MGAM: variants seen among roughly 807,000 people sequenced by gnomAD.
MGAM encodes maltase-glucoamylase, also known as alpha-1,4-glucosidase.
In MGAM, 253 loss-of-function variants were observed where a neutral mutation model predicts 358.8. That is an observed-to-expected ratio of 0.71 (90% CI 0.64 to 0.78). The LOEUF is 0.78. Among genes scored for constraint, MGAM ranks in the 30% least tolerant of loss-of-function variants. MGAM has a pLI of 0.00. For missense variants in MGAM, 3,080 were observed against 3,432.6 expected (o/e 0.90, Z 2.57); for synonymous variants, 1,105 against 1,227.1 (o/e 0.90, Z 2.08).
At chr7:142,095,483 T>C (rs1186742516) in intron 63 of MGAM, 82 bp from the exon 64 acceptor site, 18 of 1,586,340 alleles carry the variant, frequency 1.1e-5, no homozygotes, top group Admixed American at 3.6e-5. Flanking sequence ...TGATCTTCAA[T>C]TGGAGTATGC....
Position 142,064,539 on chromosome 7 carries a change from C to G in MGAM, c.4484+17C>G, listed in dbSNP as rs1290533294. 6.4e-7 allele frequency: 1 copy of G among 1,564,266 alleles called. No homozygotes were observed. The highest frequency in any genetic ancestry group is 1.4e-5 in the African/African-American group (1 of 73,576). On this transcript the variant is annotated intron_variant, in intron 37 of 70. Coordinates refer to ENST00000475668, the MANE Select transcript of MGAM (RefSeq NM_001365693.1). ...CACATACGAGTGAGTCTCCGTCTCCCTTCTCCAGCTGTCACAACCTATAGC... is the reference window on the plus strand; with the variant it reads ...CACATACGAGTGAGTCTCCGTCTCCGTTCTCCAGCTGTCACAACCTATAGC...
At chr7:141,997,671 G>T (rs1167133492) in intron 1 of MGAM, among the ~76,000 whole-genome samples, 1 of 152,104 alleles carries the variant, frequency 6.6e-6, no homozygotes, top group Non-Finnish European at 1.5e-5. Context: ...TTGCAGTTCA[G>T]ATGGGGAAAC....
rs928247898 is a variant in MGAM at position 142,101,699 on chromosome 7, A to C, written c.7963+809A>C. Among the ~76,000 whole-genome samples the C allele has an allele frequency of 4.0e-5, 6 of 151,766 alleles. No individual in the cohort carries two copies. In the South Asian group the frequency reaches 1.3e-3, roughly 32 times the overall value. ...GGCAGCCGGATCACCTGAGGTTGGG[A>C]GTTCGAGATCAGCCTGACCAACATG... On this transcript the variant is annotated intron_variant, in intron 68 of 70. Transcript: ENST00000475668.
intron 3 of MGAM, among the ~76,000 whole-genome samples, chr7:142,018,207 A>G (rs1445932073): frequency 2.0e-5 from 3 of 152,148 alleles, no homozygotes; most frequent in African/African-American, 7.2e-5. Flanking sequence ...CTATGGGATG[A>G]TCGTTTTCAA....
chr7:142,052,236 G>T, intron 24 of MGAM, 58 bp from the exon 25 acceptor site: 2 of 1,436,758 alleles, frequency 1.4e-6, no homozygotes, highest in Non-Finnish European at 1.9e-6. Context: ...AAAACCTCAG[G>T]TCTTGCAAAG....
At chr7:142,034,401 C>A (rs1554465027) in intron 15 of MGAM, 22 bp downstream of exon 15, 1 of 1,403,422 alleles carries the variant, frequency 7.1e-7, no homozygotes, top group South Asian at 1.2e-5. Context: ...ATGGCTATGA[C>A]CTGCTAATTA....
intron 2 of MGAM, among the ~76,000 whole-genome samples, chr7:141,987,627 T>G (rs1803771956): frequency 6.6e-6 from 1 of 152,002 alleles, no homozygotes; most frequent in South Asian, 2.1e-4. Context: ...AATGGGGGTT[T>G]CTAGAACAAG....
intron 16 of MGAM, among the ~76,000 whole-genome samples, chr7:142,035,561 T>TG (rs1554465493): frequency 6.6e-6 from 1 of 152,060 alleles, no homozygotes; most frequent in African/African-American, 2.4e-5. Context: ...GAAAAGTGAG[T>TG]ATTTTTTCAT....
rs1563135015 is a variant in MGAM, at chr7:142,034,654, T to C, written c.1788-16T>C. On this transcript the variant is annotated splice_polypyrimidine_tract_variant and intron_variant, in intron 15 of 70. Transcript: ENST00000475668. The stretch of plus-strand genomic sequence containing the variant: ...TAAGATCCCACATTGACTCCTTAAA[T>C]CTCTCTCCCTTGCAGAGCTGCCAAG... 5 of 1,610,388 alleles carry C rather than the reference T, an allele frequency of 3.1e-6. 1 individual carries two copies. Among genetic ancestry groups the C allele is most frequent in the Non-Finnish European group, 4.2e-6 (5 of 1,177,756 alleles).
At chr7:142,099,771 T>C (rs757819049) in intron 67 of MGAM, 34 bp downstream of exon 67, 1 of 1,608,244 alleles carries the variant, frequency 6.2e-7, no homozygotes, top group Admixed American at 1.7e-5. Flanking sequence ...CCTTTACATG[T>C]CAGTTAGCTC....
intron 2 of MGAM, 143 bp downstream of exon 2, chr7:142,005,800 T>C: frequency 6.6e-6 from 5 of 761,478 alleles, no homozygotes; most frequent in Non-Finnish European, 1.0e-5. Context: ...CTATGTGTTT[T>C]GGACAGCTCA....
chr7:141,990,238 T>G (rs1803885206), intron 2 of MGAM, among the ~76,000 whole-genome samples: 1 of 152,188 alleles, frequency 6.6e-6, no homozygotes. Context: ...CATAGAATGC[T>G]TACTATGGCC....
Position 142,039,865 on chromosome 7 carries a change from G to A in MGAM, c.2317-250G>A, listed in dbSNP as rs940986331. Among the ~76,000 whole-genome samples, 19 of 152,092 alleles carry A rather than the reference G, an allele frequency of 1.2e-4. No homozygotes were observed. In the East Asian group the frequency reaches 3.5e-3, roughly 28 times the overall value. ...TTAAATGAGGTAATCATGTAAAGCT[G>A]GAATGTTTGTCACCACACATGTTTT... On this transcript the variant is annotated intron_variant, in intron 19 of 70. Transcript: ENST00000475668.
At chr7:142,064,675 T>A (rs1046693413) in intron 37 of MGAM, among the ~76,000 whole-genome samples, 153 bp downstream of exon 37, 1 of 152,220 alleles carries the variant, frequency 6.6e-6, no homozygotes, top group Non-Finnish European at 1.5e-5. Context: ...CAAATGCTCA[T>A]TGACATGGAG....
intron 21 of MGAM, among the ~76,000 whole-genome samples, chr7:142,043,722 G>A (rs558308256): frequency 2.7e-5 from 3 of 109,486 alleles, no homozygotes; most frequent in South Asian, 5.4e-4. Flanking sequence ...CATGTAATAT[G>A]TAATATATAA....
At position 142,034,666 on chromosome 7, in the gene MGAM, G is replaced by T. The variant is rs782219902; in HGVS notation, c.1788-4G>T. 6.2e-7 allele frequency: 1 copy of T among 1,612,440 alleles called. No homozygotes were observed. Among genetic ancestry groups the T allele is most frequent in the Middle Eastern group, 1.7e-4 (1 of 6,046 alleles). ...TTGACTCCTTAAATCTCTCTCCCTT[G>T]CAGAGCTGCCAAGACTGTGTTCCCT... On this transcript the variant is annotated splice_region_variant and splice_polypyrimidine_tract_variant and intron_variant, in intron 15 of 70. Coordinates refer to ENST00000475668, the MANE Select transcript of MGAM (RefSeq NM_001365693.1).
chr7:142,030,573 G>C (rs1807391489), intron 11 of MGAM, 68 bp from the exon 12 acceptor site: 1 of 1,605,770 alleles, frequency 6.2e-7, no homozygotes, highest in African/African-American at 1.3e-5. Flanking sequence ...TTCTCCCCCA[G>C]TTCCCAGTCT....
chr7:142,095,938 T>C lies in MGAM; in HGVS notation c.7607+225T>C, dbSNP rs570753293. The C allele has an allele frequency of 1.2e-5, 9 of 730,210 alleles. 1 individual carries two copies. The highest frequency in any genetic ancestry group is 6.1e-5 in the South Asian group (3 of 49,412). The allele number at this position is 730,210 out of a possible 1,614,324, so 45.2% of individuals were successfully genotyped here. A position where few individuals can be genotyped will look rare whatever the true frequency, so the allele number is the denominator to read the frequency against. On this transcript the variant is annotated intron_variant, in intron 64 of 70. Transcript: ENST00000475668. ...AAAACTGAAATGATGCAGTATAGCA[T>C]AGAATAATTTCTTTCTAATTTGGCT...
At position 142,057,508 on chromosome 7, in the gene MGAM, T is replaced by C. The variant is rs1303483483; in HGVS notation, c.3693+566T>C. 3.9e-5 allele frequency among the ~76,000 whole-genome samples: 5 copies of C among 126,720 alleles called. No individual in the cohort carries two copies. The South Asian group carries it at 1.4e-3, about 36-fold the overall frequency. 83.1% of individuals were successfully genotyped at this position (126,720 alleles called of 152,430 possible). A position where few individuals can be genotyped will look rare whatever the true frequency, so the allele number is the denominator to read the frequency against. Reference sequence around the variant, plus strand: ...ATGTTGGTGATAGTGGTTGTGGTGATAGTGGTGATGGTGGGGATGGTGGTT... The same window carrying C: ...ATGTTGGTGATAGTGGTTGTGGTGACAGTGGTGATGGTGGGGATGGTGGTT... On this transcript the variant is annotated intron_variant, in intron 30 of 70. Coordinates refer to ENST00000475668, the MANE Select transcript of MGAM (RefSeq NM_001365693.1).
Sources: allele counts gnomAD v4.1 joint callset (sites outside exome capture counted in the v4.1 genomes callset), GRCh38; gene constraint gnomAD v4.1.1; transcripts MANE v1.5; gene names NCBI Gene and HGNC (gene_info 2026-07-23, HGNC 2026-07-21).